Variants in CEP72 observed in about 807,000 individuals in gnomAD.
The protein encoded by CEP72 is centrosomal protein of 72 kDa.
In CEP72, 78 loss-of-function variants were observed where a neutral mutation model predicts 65.7. The ratio of observed to expected loss-of-function variants is 1.19; its 90% CI spans 0.99 to 1.43. The LOEUF (loss-of-function observed/expected upper bound fraction) is 1.43. Ranked by LOEUF, CEP72 falls within the 40% of genes most tolerant of loss-of-function variation. The pLI, the probability that CEP72 is intolerant of heterozygous loss-of-function variation, is 0.00. For missense variants in CEP72, 914 were observed against 832.9 expected (o/e 1.10, Z -1.20); for synonymous variants, 358 against 351.7 (o/e 1.02, Z -0.20).
rs188075139 is a variant in CEP72, at chr5:644,837, T to C, written c.1666+412T>C. Among the ~76,000 whole-genome samples the C allele has an allele frequency of 1.7e-3, 261 of 152,320 alleles. 4 individuals carry two copies. The highest frequency in any genetic ancestry group is 0.012 in the Admixed American group (190 of 15,304). ...AGCGTCTCAGCGTTACAGATTCAGG[T>C]TGCATTTCTGGTGAACCCGTGTCTC... On this transcript the variant is annotated intron_variant, in intron 10 of 11. Transcript: ENST00000264935.
rs150376362 is a variant in CEP72, at chr5:637,558, G to C, written c.946G>C (p.Asp316His). The change falls in exon 7 of 12, where the codon GAT (aspartate) becomes CAT (histidine). Residue 316 changes from aspartate (D) to histidine (H), a missense_variant. By Grantham distance (81) the Asp-to-His change is moderately conservative (BLOSUM62 -1). Transcript: ENST00000264935. Reference protein sequence around the residue: ...TEDSASSQKLDLSGEMVPGPL... With the variant: ...TEDSASSQKLHLSGEMVPGPL... ...GGACTCGGCCTCTTCTCAGAAGTTG[G>C]ATTTGTCAGGAGAAATGGTGCCTGG... The C allele has an allele frequency of 1.4e-5, 23 of 1,613,934 alleles. No homozygotes were observed. Among genetic ancestry groups the C allele is most frequent in the Non-Finnish European group, 1.9e-5 (23 of 1,180,010 alleles).
At chr5:661,008 A>G (rs1349219477), downstream of CEP72, 1 of 152,276 alleles carries the variant, frequency 6.6e-6, no homozygotes, top group Non-Finnish European at 1.5e-5. Context: ...TATTTTAAAC[A>G]TATAATTTGA....
intron 5 of CEP72, 86 bp from the exon 6 acceptor site, chr5:635,286 C>A: frequency 1.9e-6 from 2 of 1,045,084 alleles, no homozygotes; most frequent in Non-Finnish European, 2.8e-6. Flanking sequence ...ATACCATACA[C>A]TATTCAGAAG....
chr5:671,907 C>CGGGGGA (rs944424606), downstream of CEP72, among the ~76,000 whole-genome samples: 6 of 152,150 alleles, frequency 3.9e-5, no homozygotes, highest in Admixed American at 6.5e-5. Flanking sequence ...CTGGGTACCA[C>CGGGGGA]GGGGGAGGGG....
At chr5:666,087 G>C in exon 4 of CEP72, 1 of 1,612,268 alleles carries the variant, frequency 6.2e-7, no homozygotes, top group Non-Finnish European at 8.5e-7. Flanking sequence ...GCGCCTCCTG[G>C]AACTGCTCAA....
At chr5:649,862 T>TG (rs1388643638) in intron 11 of CEP72, among the ~76,000 whole-genome samples, 1 of 68,540 alleles carries the variant, frequency 1.5e-5, no homozygotes. Context: ...CTGTGAGGCG[T>TG]GACTGAGGTG....
At chr5:651,710 G>A (rs1438126341) in intron 11 of CEP72, among the ~76,000 whole-genome samples, 1 of 152,042 alleles carries the variant, frequency 6.6e-6, no homozygotes, top group Non-Finnish European at 1.5e-5. Context: ...CGAGCTGCTG[G>A]AGGAGGCAAG....
rs138304334 is a variant in CEP72 at position 624,729 on chromosome 5, C to T, written c.512+150C>T. 2.0e-3 allele frequency: 1,329 copies of T among 655,204 alleles called. 1 individual carries two copies. Among genetic ancestry groups the T allele is most frequent in the Non-Finnish European group, 2.9e-3 (1,010 of 354,188 alleles). 40.6% of individuals were successfully genotyped at this position (655,204 alleles called of 1,614,324 possible). A position where few individuals can be genotyped will look rare whatever the true frequency, so the allele number is the denominator to read the frequency against. ...GGCAGAGCCTGCCTGGCGGGGACTC[C>T]GTGGACAGTGGGACGGGGCCTCTCT... is the stretch of plus-strand genomic sequence containing the variant. On this transcript the variant is annotated intron_variant, in intron 4 of 11. Coordinates refer to ENST00000264935, the MANE Select transcript of CEP72 (RefSeq NM_018140.4). The surrounding 1 kb of genome is among the most constrained non-coding windows in gnomAD (Gnocchi z 4.7).
chr5:624,527 G>T lies in CEP72; in HGVS notation c.460G>T (p.Glu154Ter). ...GGCTTCCCGACTGCATTTTGCATCA[G>T]AGGACTCACTCGACTCCAAAGAGAG... ...RKASRLHFAS[E>*]DSLDSKESVP... Residue 154 changes from glutamate (E) to a stop codon, truncating the protein, a stop_gained, in exon 4 of 12, where the codon GAG (glutamate) becomes TAG (stop). Coordinates refer to ENST00000264935, the MANE Select transcript of CEP72 (RefSeq NM_018140.4). LOFTEE classifies it high-confidence loss of function. The surrounding 1 kb of genome is among the most constrained non-coding windows in gnomAD (Gnocchi z 4.7). The T allele has an allele frequency of 1.2e-6, 2 of 1,614,188 alleles. No individual in the cohort carries two copies. Among genetic ancestry groups the T allele is most frequent in the Non-Finnish European group, 1.7e-6 (2 of 1,179,996 alleles).
At chr5:635,650 T>A (rs984075652) in intron 6 of CEP72, 66 bp downstream of exon 6, 2 of 1,294,256 alleles carry the variant, frequency 1.5e-6, no homozygotes, top group Non-Finnish European at 2.2e-6. Context: ...GAGTAATTTA[T>A]AAAGAACAGA....
At chr5:666,065 C>A in exon 4 of CEP72, 1 of 1,612,362 alleles carries the variant, frequency 6.2e-7, no homozygotes, top group South Asian at 1.1e-5. Flanking sequence ...CGCTTCTTGG[C>A]GAGCTCCTCC....
Position 635,444 on chromosome 5 carries a change from CGAG to C in CEP72, c.771_773del (p.Arg257del), listed in dbSNP as rs750630271. 1.2e-5 allele frequency: 19 copies of C among 1,613,918 alleles called. No individual in the cohort carries two copies. In the East Asian group the frequency reaches 2.9e-4, roughly 25 times the overall value. On this transcript the variant is annotated inframe_deletion, in exon 6 of 12. Transcript: ENST00000264935. ...GACTCTGGGAAGCAGGGCCGTGAGA[CGAG>C]GAGGAGCAGCTGCAGAGGGTGCTGT...
rs537088587 is a variant in CEP72 at position 664,956 on chromosome 5, G to A, written n.288-224G>A. The A allele has an allele frequency of 5.7e-6, 5 of 881,840 alleles. No homozygotes were observed. The African/African-American group carries it at 6.7e-5, about 12-fold the overall frequency. 54.6% of individuals were successfully genotyped at this position (881,840 alleles called of 1,614,324 possible). A position where few individuals can be genotyped will look rare whatever the true frequency, so the allele number is the denominator to read the frequency against. The stretch of plus-strand genomic sequence containing the variant: ...CATCCGGTAGGAGGAGGGGCAGGAG[G>A]GAGGCCTGGGCCTGGCCGCCCCCCA... On this transcript the variant is annotated intron_variant and non_coding_transcript_variant, in intron 2 of 4. Coordinates refer to the CEP72 transcript ENST00000514507.
chr5:642,010 G>A (rs1433619821), intron 9 of CEP72: 1 of 969,294 alleles, frequency 1.0e-6, no homozygotes, highest in African/African-American at 2.0e-5. Context: ...GTGGTCCCCC[G>A]TCTAGAAGCC....
intron 11 of CEP72, among the ~76,000 whole-genome samples, chr5:648,856 T>C (rs200527788): frequency 0.013 from 173 of 13,094 alleles, no homozygotes; most frequent in Admixed American, 0.025. Flanking sequence ...GACTGTGAGG[T>C]GTGACTGTGA....
In CEP72 at chr5:645,543, G is replaced by A. The variant is rs1486413028; in HGVS notation, c.1666+1118G>A. 6.6e-6 allele frequency among the ~76,000 whole-genome samples: 1 copy of A among 151,912 alleles called. No individual in the cohort carries two copies. Among genetic ancestry groups the A allele is most frequent in the Admixed American group, 6.6e-5 (1 of 15,264 alleles). ...CCGGCTCTGTGGGCTTTCTCTGGGT[G>A]CGCTGTTTTCCCCCATGCCCCAAAG... is the stretch of plus-strand genomic sequence containing the variant. On this transcript the variant is annotated intron_variant, in intron 10 of 11. Transcript: ENST00000264935. The surrounding 1 kb of genome is among the most constrained non-coding windows in gnomAD (Gnocchi z 4.0).
At chr5:629,281 T>G (rs1433547176) in intron 4 of CEP72, among the ~76,000 whole-genome samples, 2 of 152,268 alleles carry the variant, frequency 1.3e-5, no homozygotes, top group Non-Finnish European at 2.9e-5. Flanking sequence ...AAGTGAACAT[T>G]TGGAACACTT....
chr5:640,874 G>C (rs1385155765), intron 9 of CEP72: 1 of 985,344 alleles, frequency 1.0e-6, no homozygotes, highest in African/African-American at 1.7e-5. Flanking sequence ...GGCAGTGCCG[G>C]GTGCTGCAGG....
Position 633,943 on chromosome 5 carries a change from C to T in CEP72, c.687C>T (p.Ser229=), listed in dbSNP as rs1737408432. 6.2e-7 allele frequency: 1 copy of T among 1,611,246 alleles called. No homozygotes were observed. Among genetic ancestry groups the T allele is most frequent in the Non-Finnish European group, 8.5e-7 (1 of 1,179,948 alleles). The change falls in exon 5 of 12, where the codon TCC becomes TCT. Residue 229 remains serine, a synonymous_variant. Coordinates refer to ENST00000264935, the MANE Select transcript of CEP72 (RefSeq NM_018140.4). Reference sequence around the variant, plus strand: ...GGCGTGAGGCCGACTCTCGTGGTTCCCAAGGTGCGCTGCTCATCTGCCAGG... The same window carrying T: ...GGCGTGAGGCCGACTCTCGTGGTTCTCAAGGTGCGCTGCTCATCTGCCAGG... The part of the protein sequence containing the change: ...QKGREADSRG[S]QESRHLLSPQ...
Sources: allele counts gnomAD v4.1 joint callset (sites outside exome capture counted in the v4.1 genomes callset), GRCh38; gene constraint gnomAD v4.1.1; non-coding constraint Gnocchi (gnomAD v3.1); transcripts MANE v1.5; gene names NCBI Gene and HGNC (gene_info 2026-07-23, HGNC 2026-07-21).